The following SIDT2 variants were observed in gnomAD, a reference collection of about 807,000 sequenced individuals.
SIDT2 encodes the protein SID1 transmembrane family member 2.
In SIDT2, 68 loss-of-function variants were observed where a neutral mutation model predicts 114.4. The observed-to-expected ratio is 0.59, with a 90% CI of 0.49 to 0.73. SIDT2 has a LOEUF of 0.73. SIDT2 is among the 30% of genes least tolerant of loss of function. The pLI, the probability that SIDT2 is intolerant of heterozygous loss-of-function variation, is 0.00. For synonymous variants in SIDT2, 470 were observed against 438.4 expected (o/e 1.07, Z -0.90); for missense variants, 918 against 1,097.1 (o/e 0.84, Z 2.31).
intron 18 of SIDT2, 123 bp from the exon 19 acceptor site, chr11:117,191,755 C>A: frequency 7.3e-7 from 1 of 1,375,382 alleles, no homozygotes; most frequent in Admixed American, 2.1e-5. Context: ...CTGCCACCAG[C>A]TCACACCATG....
rs138740701 is a variant in SIDT2 at position 117,182,551 on chromosome 11, C to G, written c.549C>G (p.Asp183Glu). The change falls in exon 5 of 26, where the codon GAC becomes GAG. Residue 183 changes from aspartate (D) to glutamate (E), a missense_variant. Transcript: ENST00000324225. ...YFKYEFPEGV[D>E]SVIVKVTSNK... ...AGTATGAGTTCCCTGAAGGCGTGGA[C>G]TCGGTAATTGTCAAGGTGACCTCCA... 4 of 1,614,114 alleles carry G rather than the reference C, an allele frequency of 2.5e-6. No homozygotes were observed. In the Admixed American group the frequency reaches 6.7e-5, roughly 27 times the overall value.
At position 117,192,202 on chromosome 11, in the gene SIDT2, C is replaced by T. The variant is rs370684574; in HGVS notation, c.1873-52C>T. 228 of 1,468,550 alleles carry T rather than the reference C, an allele frequency of 1.6e-4. No homozygotes were observed. The highest frequency in any genetic ancestry group is 1.5e-3 in the African/African-American group (106 of 71,932). The allele number at this position is 1,468,550 out of a possible 1,614,324, so 91.0% of individuals were successfully genotyped here. On this transcript the variant is annotated intron_variant, in intron 19 of 25. Transcript: ENST00000324225. The surrounding 1 kb of genome is among the most constrained non-coding windows in gnomAD (Gnocchi z 5.9). ...CCAGCCCCAGGAAGGGTGGGCCATC[C>T]GAGCCACTTCCCTCTCCACCCTCAC...
intron 1 of SIDT2, 66 bp from the exon 2 acceptor site, chr11:117,181,350 A>G (rs2030274587): frequency 1.4e-6 from 2 of 1,475,960 alleles, no homozygotes; most frequent in Non-Finnish European, 9.1e-7. Flanking sequence ...GGCAGGGCTC[A>G]TAGTCTCTGG....
At chr11:117,179,605 C>G (rs571247689) in intron 1 of SIDT2, 159 bp downstream of exon 1, 14 of 659,564 alleles carry the variant, frequency 2.1e-5, no homozygotes, top group Non-Finnish European at 3.0e-5. Flanking sequence ...ACCAGTCCTC[C>G]TTCCTTTGCC....
In SIDT2 at chr11:117,192,304, C is replaced by T. The variant is rs12285062; in HGVS notation, c.1923C>T (p.His641=). ...TAFWIVFSII[H]IIATLLLSTQ... ...TCTGGATCGTCTTCTCCATCATTCA[C>T]ATCATCGCCACCCTGCTCCTCAGCA... Residue 641 remains histidine (H), a synonymous_variant, in exon 20 of 26, where the codon CAC becomes CAT. Transcript: ENST00000324225. The surrounding 1 kb of genome is among the most constrained non-coding windows in gnomAD (Gnocchi z 5.9). 2,882 of 1,612,804 alleles carry T rather than the reference C, an allele frequency of 1.8e-3. 51 individuals carry two copies. In the African/African-American group the frequency reaches 0.032, roughly 18 times the overall value.
chr11:117,180,153 T>C (rs1342699518), intron 1 of SIDT2, among the ~76,000 whole-genome samples: 3 of 152,216 alleles, frequency 2.0e-5, no homozygotes, highest in Non-Finnish European at 1.5e-5. Context: ...AACCTGGCTG[T>C]GTGGTCTCGT....
chr11:117,195,977 G>A, intron 25 of SIDT2, 27 bp from the exon 26 acceptor site: 2 of 1,614,262 alleles, frequency 1.2e-6, no homozygotes, highest in Non-Finnish European at 1.7e-6. Context: ...CTCCTTCTCT[G>A]TGGCTGATCT....
intron 1 of SIDT2, among the ~76,000 whole-genome samples, chr11:117,181,139 G>A (rs2134247488): frequency 6.6e-6 from 1 of 152,238 alleles, no homozygotes; most frequent in East Asian, 1.9e-4. Context: ...GACTCGCAAG[G>A]CCTCCACCGT....
chr11:117,189,055 T>G (rs1238495628), intron 13 of SIDT2, 114 bp from the exon 14 acceptor site: 1 of 1,159,876 alleles, frequency 8.6e-7, no homozygotes, highest in African/African-American at 1.5e-5. Flanking sequence ...CCTTGAACCC[T>G]GCCCCCCTGA....
At chr11:117,195,965 G>A (rs1356888425) in intron 25 of SIDT2, 39 bp from the exon 26 acceptor site, 8 of 1,614,262 alleles carry the variant, frequency 5.0e-6, no homozygotes, top group South Asian at 3.3e-5. Context: ...GGTAGCAGCT[G>A]CCTCCTTCTC....
At chr11:117,186,108 C>T (rs1320019125) in intron 8 of SIDT2, 22 bp from the exon 9 acceptor site, 4 of 1,610,296 alleles carry the variant, frequency 2.5e-6, no homozygotes, top group Admixed American at 3.3e-5. Context: ...GACCTGTCCA[C>T]CTTCCTGTTT....
At chr11:117,180,531 CTTTTTTT>C (rs35242634) in intron 1 of SIDT2, among the ~76,000 whole-genome samples, 1 of 82,370 alleles carries the variant, frequency 1.2e-5, no homozygotes, top group Non-Finnish European at 2.2e-5. Context: ...ATCACTTTAT[CTTTTTTT>C]TTTTTTTTTT....
At chr11:117,194,153 A>T (rs950594529) in intron 24 of SIDT2, 190 bp downstream of exon 24, 15 of 518,058 alleles carry the variant, frequency 2.9e-5, no homozygotes, top group Non-Finnish European at 5.1e-5. Context: ...ATAAAAAAAT[A>T]AAAATAAAAA....
chr11:117,191,890 T>C lies in SIDT2; in HGVS notation c.1748T>C (p.Met583Thr), dbSNP rs372741154. The C allele has an allele frequency of 2.5e-6, 4 of 1,614,116 alleles. No homozygotes were observed. The highest frequency in any genetic ancestry group is 2.5e-6 in the Non-Finnish European group (3 of 1,180,018). The change falls in exon 19 of 26, where the codon ATG becomes ACG. Residue 583 changes from methionine to threonine, a missense_variant. Physicochemically the swap from Met to Thr is moderately conservative, Grantham distance 81. Transcript: ENST00000324225. The part of the protein sequence containing the change: ...YTNFQFDTSF[M>T]YMIAGLCMLK... ...TCCCTCATCCTAGACACATCGTTCA[T>C]GTACATGATCGCCGGACTCTGCATG... is the stretch of plus-strand genomic sequence containing the variant.
At position 117,192,373 on chromosome 11, in the gene SIDT2, GC is replaced by G. The variant is rs1455000070; in HGVS notation, c.1981+14del. ...GCCGGTGGAAACTGGGTAAGGGCAC[GC>G]CCGGGGCAGGGCCTGGGGGAGGGGT... On this transcript the variant is annotated intron_variant, in intron 20 of 25. Coordinates refer to ENST00000324225, the MANE Select transcript of SIDT2 (RefSeq NM_001040455.2). The surrounding 1 kb of genome is among the most constrained non-coding windows in gnomAD (Gnocchi z 5.9). 14 of 1,545,286 alleles carry G rather than the reference GC, an allele frequency of 9.1e-6. No homozygotes were observed. In the East Asian group the frequency reaches 3.1e-4, roughly 35 times the overall value.
At chr11:117,183,983 G>A (rs2030398769) in intron 7 of SIDT2, 91 bp from the exon 8 acceptor site, 1 of 1,540,482 alleles carries the variant, frequency 6.5e-7, no homozygotes, top group Non-Finnish European at 9.0e-7. Flanking sequence ...TAGGACATGG[G>A]TTTTTGGCTC....
intron 8 of SIDT2, among the ~76,000 whole-genome samples, chr11:117,185,363 C>T (rs1333132847): frequency 6.6e-6 from 1 of 151,920 alleles, no homozygotes; most frequent in Non-Finnish European, 1.5e-5. Context: ...GCCTCTCTTA[C>T]ATGGATTATT....
Position 117,186,633 on chromosome 11 carries a change from A to G in SIDT2, c.1012A>G (p.Ser338Gly), listed in dbSNP as rs781394867. The change falls in exon 10 of 26, where the codon AGC becomes GGC. Residue 338 changes from serine (S) to glycine (G), a missense_variant. Ser to Gly is a moderately conservative substitution (Grantham distance 56). This residue lies in a region of SIDT2 where 553 missense variants were observed against 600.1 expected (regional missense o/e 0.92). Coordinates refer to ENST00000324225, the MANE Select transcript of SIDT2 (RefSeq NM_001040455.2). Reference protein sequence around the residue: ...LVAIDRACPESGHPRVLADSF... With the variant: ...LVAIDRACPEGGHPRVLADSF... Reference sequence around the variant, plus strand: ...GGCCATTGACCGAGCCTGCCCAGAAAGCGGTACCTCCAGGGGGCCTGGGTG... The same window carrying G: ...GGCCATTGACCGAGCCTGCCCAGAAGGCGGTACCTCCAGGGGGCCTGGGTG... The G allele has an allele frequency of 6.4e-6, 10 of 1,560,352 alleles. No homozygotes were observed. The Admixed American group carries it at 2.0e-4, about 31-fold the overall frequency.
intron 6 of SIDT2, among the ~76,000 whole-genome samples, chr11:117,183,268 C>CT (rs1428924228): frequency 1.3e-5 from 2 of 151,856 alleles, no homozygotes; most frequent in Non-Finnish European, 2.9e-5. Flanking sequence ...TCACTTGAAC[C>CT]TGGGAGACAG....
Sources: allele counts gnomAD v4.1 joint callset (sites outside exome capture counted in the v4.1 genomes callset), GRCh38; gene constraint gnomAD v4.1.1; regional missense constraint gnomAD v4.1.1; non-coding constraint Gnocchi (gnomAD v3.1); transcripts MANE v1.5; gene names NCBI Gene and HGNC (gene_info 2026-07-23, HGNC 2026-07-21).